Variants in RASGRF2 observed in about 807,000 individuals in gnomAD.
RASGRF2 encodes Ras protein specific guanine nucleotide releasing factor 2, also known as ras-specific guanine nucleotide-releasing factor 2.
In RASGRF2, 76 loss-of-function variants were observed where a neutral mutation model predicts 151.0. That is an observed-to-expected ratio of 0.50 (90% CI 0.42 to 0.61). The LOEUF (loss-of-function observed/expected upper bound fraction) is 0.61, where lower values mean the gene tolerates loss of function less well. Ranked by LOEUF, RASGRF2 falls within the 20% of genes least tolerant of loss-of-function variation. The pLI, the probability that RASGRF2 is intolerant of heterozygous loss-of-function variation, is 0.00. For synonymous variants in RASGRF2, 504 were observed against 566.5 expected (o/e 0.89, Z 1.57); for missense variants, 1,148 against 1,564.6 (o/e 0.73, Z 4.49).
At position 81,086,917 on chromosome 5, in the gene RASGRF2, A is replaced by G. The variant is rs1272048956; in HGVS notation, c.1354A>G (p.Ile452Val). ...IERMIVEGCD[I>V]LLDTSQTFIR... ...AAGAATGATCGTGGAGGGCTGTGAC[A>G]TCTTGCTGGACACCAGCCAAACGTT... is the stretch of plus-strand genomic sequence containing the variant. Residue 452 changes from isoleucine to valine, a missense_variant, in exon 9 of 27, where the codon ATC becomes GTC. Ile to Val is a conservative substitution (Grantham distance 29, BLOSUM62 3). Coordinates refer to ENST00000265080, the MANE Select transcript of RASGRF2 (RefSeq NM_006909.3). 22 of 1,614,094 alleles carry G rather than the reference A, an allele frequency of 1.4e-5. No individual in the cohort carries two copies. The highest frequency in any genetic ancestry group is 2.2e-5 in the East Asian group (1 of 44,898).
At chr5:81,071,247 A>G (rs1172803799) in intron 4 of RASGRF2, among the ~76,000 whole-genome samples, 2 of 152,180 alleles carry the variant, frequency 1.3e-5, no homozygotes, top group Non-Finnish European at 2.9e-5. Context: ...ATTTCCCTGG[A>G]TATACATCTT....
chr5:81,097,949 C>T (rs1277910098), intron 12 of RASGRF2, among the ~76,000 whole-genome samples: 1 of 152,184 alleles, frequency 6.6e-6, no homozygotes, highest in Non-Finnish European at 1.5e-5. Context: ...ATTGCTGTGG[C>T]TGCTGTGTTG....
intron 1 of RASGRF2, among the ~76,000 whole-genome samples, chr5:80,969,190 G>A (rs945064900): frequency 7.0e-6 from 1 of 143,372 alleles, no homozygotes; most frequent in Non-Finnish European, 1.5e-5. Flanking sequence ...GAGTGCAGTG[G>A]CGCCATCTCA....
chr5:80,964,512 T>A (rs1036535708), intron 1 of RASGRF2, among the ~76,000 whole-genome samples: 3 of 152,132 alleles, frequency 2.0e-5, no homozygotes, highest in African/African-American at 7.2e-5. Context: ...TATTACCTAT[T>A]GCTAACACTG....
At chr5:81,092,666 C>G in intron 9 of RASGRF2, 135 bp from the exon 10 acceptor site, 1 of 784,502 alleles carries the variant, frequency 1.3e-6, no homozygotes, top group Non-Finnish European at 2.1e-6. Context: ...AAGAGAGTTA[C>G]TTGTTCTGAT....
rs78253250 is a variant in RASGRF2, at chr5:81,005,212, G to T, written c.289-37665G>T. 1.2e-3 allele frequency among the ~76,000 whole-genome samples: 185 copies of T among 152,266 alleles called. 3 individuals are homozygous for T. In the East Asian group the frequency reaches 0.033, roughly 27 times the overall value. ...TACCTGAGACTGGGCAATTTAGAAGGGAAAGAGGTTTAGTTGACTCACAGT... is the reference window on the plus strand; with the variant it reads ...TACCTGAGACTGGGCAATTTAGAAGTGAAAGAGGTTTAGTTGACTCACAGT... On this transcript the variant is annotated intron_variant, in intron 1 of 26. Transcript: ENST00000265080.
intron 9 of RASGRF2, 87 bp downstream of exon 9, chr5:81,087,040 GGC>G: frequency 8.0e-7 from 1 of 1,244,664 alleles, no homozygotes; most frequent in South Asian, 1.2e-5. Flanking sequence ...GTTCTGAACA[GGC>G]GTGACGGGTG....
At position 80,960,719 on chromosome 5, in the gene RASGRF2, G is replaced by T. The variant is rs1747516159; in HGVS notation, c.-20G>T. On this transcript the variant is annotated 5_prime_UTR_variant, in exon 1 of 27. Coordinates refer to ENST00000265080, the MANE Select transcript of RASGRF2 (RefSeq NM_006909.3). This position sits in a 1 kb window ranked among gnomAD's most constrained non-coding sequence, Gnocchi z 5.5. ...AGGGGTGAGACCGGCGGCCACCCGTGAGCCCTCCGCACCCGCACCATGCAG... is the reference window on the plus strand; with the variant it reads ...AGGGGTGAGACCGGCGGCCACCCGTTAGCCCTCCGCACCCGCACCATGCAG... The T allele has an allele frequency of 1.3e-6, 2 of 1,511,840 alleles. No individual in the cohort carries two copies. Among genetic ancestry groups the T allele is most frequent in the South Asian group, 1.3e-5 (1 of 78,108 alleles). 93.7% of individuals were successfully genotyped at this position (1,511,840 alleles called of 1,614,324 possible). A position where few individuals can be genotyped will look rare whatever the true frequency, so the allele number is the denominator to read the frequency against.
At chr5:81,010,401 A>T (rs907347057) in intron 1 of RASGRF2, among the ~76,000 whole-genome samples, 1 of 152,220 alleles carries the variant, frequency 6.6e-6, no homozygotes, top group African/African-American at 2.4e-5. Flanking sequence ...TTACAATGAA[A>T]AAAGGCCAAA....
intron 17 of RASGRF2, among the ~76,000 whole-genome samples, chr5:81,176,288 A>C (rs181291399): frequency 1.3e-5 from 2 of 152,282 alleles, no homozygotes; most frequent in East Asian, 3.9e-4. Context: ...AATCATGTGG[A>C]AGCCATTCTC....
intron 1 of RASGRF2, among the ~76,000 whole-genome samples, chr5:81,038,299 G>T (rs1478269935): frequency 6.6e-6 from 1 of 152,128 alleles, no homozygotes; most frequent in Non-Finnish European, 1.5e-5. Context: ...TTTCCAAAGG[G>T]CTTGTGCCAA....
chr5:81,059,120 A>G (rs1280960093), intron 2 of RASGRF2, among the ~76,000 whole-genome samples: 1 of 152,146 alleles, frequency 6.6e-6, no homozygotes, highest in Non-Finnish European at 1.5e-5. Flanking sequence ...GCAGTGGCTC[A>G]CGCCTGTAAT....
chr5:81,005,243 A>G lies in RASGRF2; in HGVS notation c.289-37634A>G, dbSNP rs375786500. Among the ~76,000 whole-genome samples the G allele has an allele frequency of 7.9e-5, 12 of 152,286 alleles. No homozygotes were observed. The South Asian group carries it at 2.1e-3, about 26-fold the overall frequency. ...AGGTTTAGTTGACTCACAGTTCACC[A>G]TGGCTGGGGAGGCCTCAGGAAACCG... On this transcript the variant is annotated intron_variant, in intron 1 of 26. Coordinates refer to ENST00000265080, the MANE Select transcript of RASGRF2 (RefSeq NM_006909.3).
intron 2 of RASGRF2, among the ~76,000 whole-genome samples, chr5:81,043,699 C>G (rs968980603): frequency 6.6e-6 from 1 of 152,156 alleles, no homozygotes. Context: ...TGTCCACTCC[C>G]TAATCCAGGC....
intron 1 of RASGRF2, among the ~76,000 whole-genome samples, chr5:81,018,122 A>C (rs1257690514): frequency 6.6e-6 from 1 of 151,928 alleles, no homozygotes; most frequent in African/African-American, 2.4e-5. Flanking sequence ...AAAAAGAAAG[A>C]AAGAAAGAAA....
chr5:81,183,221 C>A (rs1172156780), intron 18 of RASGRF2: 7 of 982,274 alleles, frequency 7.1e-6, no homozygotes, highest in Non-Finnish European at 8.5e-6. Flanking sequence ...AGCTGTAGAT[C>A]CACATCAATC....
At chr5:81,048,787 C>T (rs1022782846) in intron 2 of RASGRF2, among the ~76,000 whole-genome samples, 1 of 152,206 alleles carries the variant, frequency 6.6e-6, no homozygotes, top group Non-Finnish European at 1.5e-5. Context: ...CCATTTCTCT[C>T]TTATATTTCC....
At chr5:81,173,824 T>C (rs1356104945) in intron 17 of RASGRF2, among the ~76,000 whole-genome samples, 1 of 152,222 alleles carries the variant, frequency 6.6e-6, no homozygotes, top group Non-Finnish European at 1.5e-5. Flanking sequence ...GGCGTCTTAC[T>C]TGTTTGAAGC....
chr5:81,225,570 A>T, intron 26 of RASGRF2, 108 bp from the exon 27 acceptor site: 3 of 1,410,662 alleles, frequency 2.1e-6, no homozygotes, highest in Non-Finnish European at 2.8e-6. Flanking sequence ...GTCAAATAAG[A>T]TTTTTAGTTG....
Sources: gnomAD v4.1 joint callset for allele counts (sites outside exome capture counted in the v4.1 genomes callset) on GRCh38, gnomAD v4.1.1 for gene constraint, Gnocchi (gnomAD v3.1) non-coding constraint, MANE v1.5 for transcripts, NCBI Gene and HGNC (gene_info 2026-07-23, HGNC 2026-07-21) for gene names.